Variants in FOXP2 observed in about 807,000 individuals in gnomAD.
The protein encoded by FOXP2 is forkhead box P2.
A neutral mutation model predicts 115.8 loss-of-function variants in FOXP2; 12 were observed. The observed-to-expected ratio is 0.10, with a 90% confidence interval of 0.07 to 0.17. The LOEUF is 0.17. Ranked by LOEUF, FOXP2 falls within the 10% of genes least tolerant of loss-of-function variation. The pLI is 1.00. For synonymous variants in FOXP2, 328 were observed against 297.7 expected, an observed-to-expected ratio of 1.10 and a Z score of -1.05; for missense variants, 629 against 843.5, an observed-to-expected ratio of 0.75 and a Z score of 3.15.
chr7:114,377,144 T>C (rs768029967), intron 2 of FOXP2, among the ~76,000 whole-genome samples: 29 of 152,156 alleles, frequency 1.9e-4, no homozygotes, highest in Non-Finnish European at 3.7e-4. Flanking sequence ...ATTTGGTTAA[T>C]GTTTAAAAGA....
intron 1 of FOXP2, among the ~76,000 whole-genome samples, chr7:114,190,015 C>T (rs1259445183): frequency 6.6e-6 from 1 of 152,158 alleles, no homozygotes; most frequent in African/African-American, 2.4e-5. Context: ...GGCCTATGTA[C>T]TCACTTGATG....
intron 2 of FOXP2, among the ~76,000 whole-genome samples, chr7:114,455,528 C>T (rs1298642308): frequency 1.3e-5 from 2 of 152,148 alleles, no homozygotes; most frequent in Non-Finnish European, 2.9e-5. Flanking sequence ...CTCATGGAAG[C>T]ACCTGTTGGA....
intron 2 of FOXP2, among the ~76,000 whole-genome samples, chr7:114,393,188 C>A (rs981875987): frequency 6.6e-6 from 1 of 152,020 alleles, no homozygotes; most frequent in Non-Finnish European, 1.5e-5. Context: ...GCTCCCTAAG[C>A]CAAAGTAGTT....
intron 1 of FOXP2, among the ~76,000 whole-genome samples, chr7:114,212,446 GA>G (rs1431732480): frequency 6.6e-6 from 1 of 151,676 alleles, no homozygotes. Flanking sequence ...CCTCACAGAT[GA>G]AAAAACTGGC....
chr7:114,150,200 G>A (rs568318808), intron 1 of FOXP2, among the ~76,000 whole-genome samples: 5 of 151,958 alleles, frequency 3.3e-5, no homozygotes, highest in Non-Finnish European at 4.4e-5. Flanking sequence ...TTTAGGGTCC[G>A]GATGAAGAGA....
intron 2 of FOXP2, among the ~76,000 whole-genome samples, chr7:114,306,123 T>G (rs112776338): frequency 0.017 from 2,626 of 152,288 alleles, 40 homozygotes; most frequent in African/African-American, 0.035. Context: ...GGATTCTCAA[T>G]GTGTTATTAG....
chr7:114,215,485 T>C (rs1315567290), intron 1 of FOXP2, among the ~76,000 whole-genome samples: 1 of 152,186 alleles, frequency 6.6e-6, no homozygotes, highest in African/African-American at 2.4e-5. Flanking sequence ...AATGGTTACA[T>C]ATCTGAAGAT....
At chr7:114,357,364 T>C (rs1273816523) in intron 2 of FOXP2, among the ~76,000 whole-genome samples, 1 of 152,170 alleles carries the variant, frequency 6.6e-6, no homozygotes. Context: ...TGGAGACGTA[T>C]TGATTCAGCC....
chr7:114,126,439 G>A (rs1367380841), intron 1 of FOXP2, among the ~76,000 whole-genome samples: 1 of 152,072 alleles, frequency 6.6e-6, no homozygotes, highest in Non-Finnish European at 1.5e-5. Context: ...AAATAGAAGG[G>A]CTTGCAAAAT....
intron 2 of FOXP2, among the ~76,000 whole-genome samples, chr7:114,518,876 G>T (rs569263992): frequency 1.3e-5 from 2 of 152,234 alleles, no homozygotes; most frequent in South Asian, 4.1e-4. Flanking sequence ...CATTCTTCAA[G>T]TAAGTAGACA....
chr7:114,274,575 T>A (rs1796138001), intron 1 of FOXP2, among the ~76,000 whole-genome samples: 1 of 150,864 alleles, frequency 6.6e-6, no homozygotes, highest in Admixed American at 6.6e-5. Context: ...GGGTATGGAA[T>A]TCTGGATTGG....
At chr7:114,474,924 G>A (rs770562788) in intron 2 of FOXP2, among the ~76,000 whole-genome samples, 1 of 151,982 alleles carries the variant, frequency 6.6e-6, no homozygotes, top group Admixed American at 6.6e-5. Context: ...ATAGAGATAA[G>A]TCATTGGTGA....
chr7:114,386,105 C>T (rs1014676319), intron 2 of FOXP2, among the ~76,000 whole-genome samples: 9 of 152,198 alleles, frequency 5.9e-5, no homozygotes, highest in Non-Finnish European at 1.3e-4. Context: ...ATCAGGAGCT[C>T]AGCGGACACC....
At chr7:114,438,364 C>T (rs1265522190) in intron 2 of FOXP2, among the ~76,000 whole-genome samples, 1 of 152,118 alleles carries the variant, frequency 6.6e-6, no homozygotes, top group Non-Finnish European at 1.5e-5. Flanking sequence ...TCTTGGAAAG[C>T]ACTGATACAC....
intron 1 of FOXP2, among the ~76,000 whole-genome samples, chr7:114,424,025 A>C (rs1463093745): frequency 6.6e-6 from 1 of 151,582 alleles, no homozygotes. Context: ...GATTGAACTT[A>C]AAATGTAAAT....
chr7:114,458,879 T>A (rs530849139), intron 2 of FOXP2, among the ~76,000 whole-genome samples: 2 of 152,250 alleles, frequency 1.3e-5, no homozygotes, highest in East Asian at 3.9e-4. Context: ...ACAATTTATT[T>A]CTCATGATTC....
chr7:114,254,428 ACCAAT>A (rs1795544733), intron 1 of FOXP2, among the ~76,000 whole-genome samples: 1 of 152,312 alleles, frequency 6.6e-6, no homozygotes, highest in Admixed American at 6.5e-5. Flanking sequence ...TTTCAGGTAC[ACCAAT>A]CAGACATAGA....
chr7:114,636,149 T>A (rs181840732), intron 6 of FOXP2, among the ~76,000 whole-genome samples: 5 of 152,292 alleles, frequency 3.3e-5, no homozygotes, highest in Admixed American at 3.3e-4. Flanking sequence ...AGTCAAATTA[T>A]AAATGAACAC....
chr7:114,578,914 G>C (rs1801704155), intron 3 of FOXP2, among the ~76,000 whole-genome samples: 1 of 152,090 alleles, frequency 6.6e-6, no homozygotes, highest in South Asian at 2.1e-4. Flanking sequence ...TAGGACTTCA[G>C]CTAGGAGAAA....
Sources: gnomAD v4.1 joint callset for allele counts (sites outside exome capture counted in the v4.1 genomes callset) on GRCh38, gnomAD v4.1.1 for gene constraint, MANE v1.5 for transcripts, NCBI Gene and HGNC (gene_info 2026-07-23, HGNC 2026-07-21) for gene names.